CACNA2D1: variants seen among roughly 807,000 people sequenced by gnomAD.
CACNA2D1 encodes voltage-dependent calcium channel subunit alpha-2/delta-1.
A neutral mutation model predicts 171.5 loss-of-function variants in CACNA2D1; 53 were observed. The ratio of observed to expected loss-of-function variants is 0.31; its 90% confidence interval spans 0.25 to 0.39. The LOEUF (loss-of-function observed/expected upper bound fraction) is 0.39. CACNA2D1 is among the 10% of genes least tolerant of loss of function. CACNA2D1 has a pLI of 1.00. For missense variants in CACNA2D1, 903 were observed against 1,299.8 expected (o/e 0.69, Z 4.69); for synonymous variants, 442 against 443.1 (o/e 1.00, Z 0.03).
intron 4 of CACNA2D1, among the ~76,000 whole-genome samples, chr7:82,164,805 G>A (rs73387954): frequency 0.1 from 14,627 of 141,066 alleles, 1,060 homozygotes; most frequent in African/African-American, 0.21. Flanking sequence ...AATTTGTAAT[G>A]CTTATGTATT....
chr7:82,299,791 C>G (rs887199891), intron 3 of CACNA2D1, among the ~76,000 whole-genome samples: 72 of 152,028 alleles, frequency 4.7e-4, no homozygotes, highest in African/African-American at 1.7e-3. Flanking sequence ...ATTTCTACAG[C>G]CCTAAATTAA....
At chr7:82,327,077 GA>G (rs1816747430) in intron 3 of CACNA2D1, among the ~76,000 whole-genome samples, 1 of 152,182 alleles carries the variant, frequency 6.6e-6, no homozygotes, top group South Asian at 2.1e-4. Flanking sequence ...AATGCCAACA[GA>G]AAACAATATT....
rs1807341841 is a variant in CACNA2D1 at position 82,064,369 on chromosome 7, G to A, written c.729-15C>T. On this transcript the variant is annotated splice_polypyrimidine_tract_variant and intron_variant, in intron 8 of 38. Transcript: ENST00000356860. The stretch of plus-strand genomic sequence containing the variant: ...CTTGGATGTACCTGAAACAAATATT[G>A]TAATAAATGCTTTTCTCTTCCAAAA... 2 of 1,578,194 alleles carry A rather than the reference G, an allele frequency of 1.3e-6. No individual in the cohort carries two copies. The highest frequency in any genetic ancestry group is 1.7e-5 in the Admixed American group (1 of 59,720).
At chr7:82,194,644 C>T (rs2040922) in intron 3 of CACNA2D1, among the ~76,000 whole-genome samples, 101,376 of 151,594 alleles carry the variant, frequency 0.67, 37,049 homozygotes, top group Non-Finnish European at 0.82. Context: ...ATATATATTA[C>T]GATATATTTT....
At chr7:82,060,170 A>ATATATAATATG (rs1806517406) in intron 10 of CACNA2D1, among the ~76,000 whole-genome samples, 1 of 31,442 alleles carries the variant, frequency 3.2e-5, no homozygotes, top group African/African-American at 9.8e-5. Context: ...TATATAATAT[A>ATATATAATATG]TATATATAAT....
intron 3 of CACNA2D1, among the ~76,000 whole-genome samples, chr7:82,191,725 T>G (rs1730786509): frequency 6.6e-6 from 1 of 151,844 alleles, no homozygotes; most frequent in African/African-American, 2.4e-5. Flanking sequence ...CGTGTGTATG[T>G]GTTCATATAA....
intron 3 of CACNA2D1, among the ~76,000 whole-genome samples, chr7:82,191,690 T>A (rs1215803375): frequency 1.3e-5 from 2 of 151,840 alleles, no homozygotes; most frequent in African/African-American, 4.8e-5. Flanking sequence ...ATAAATAATT[T>A]CCTTCCTCTC....
chr7:82,223,604 GT>G (rs927507940), intron 3 of CACNA2D1, among the ~76,000 whole-genome samples: 2 of 152,182 alleles, frequency 1.3e-5, no homozygotes, highest in African/African-American at 4.8e-5. Context: ...TCAGGCTGTT[GT>G]ATGGATTACA....
At chr7:82,157,129 G>T (rs1019625037) in intron 4 of CACNA2D1, among the ~76,000 whole-genome samples, 4 of 152,070 alleles carry the variant, frequency 2.6e-5, no homozygotes. Flanking sequence ...TGCTTTTGTA[G>T]CTAGACCTTG....
chr7:81,969,751 T>C, intron 28 of CACNA2D1, 130 bp downstream of exon 28: 1 of 661,838 alleles, frequency 1.5e-6, no homozygotes, highest in Admixed American at 2.4e-5. Context: ...GCCTTGCAAA[T>C]ACTCTATTTT....
At chr7:82,217,394 CATATATATATATATATATATATATATATA>C (rs1387398273) in intron 3 of CACNA2D1, among the ~76,000 whole-genome samples, 1 of 102,546 alleles carries the variant, frequency 9.8e-6, no homozygotes, top group African/African-American at 5.5e-5. Context: ...CACACACATA[CATATATATATATATATATATATATATATA>C]TATCAGGAAA....
chr7:82,200,991 T>C (rs1799368392), intron 3 of CACNA2D1, among the ~76,000 whole-genome samples: 1 of 152,144 alleles, frequency 6.6e-6, no homozygotes, highest in South Asian at 2.1e-4. Flanking sequence ...TAAAACAGAG[T>C]TTTAAAATAA....
At chr7:82,080,635 C>T (rs150781458) in intron 7 of CACNA2D1, among the ~76,000 whole-genome samples, 56 of 152,272 alleles carry the variant, frequency 3.7e-4, no homozygotes, top group Non-Finnish European at 6.8e-4. Context: ...TTATTCATTG[C>T]TTATTTGAAA....
At chr7:82,345,208 G>T (rs1261011334) in intron 2 of CACNA2D1, among the ~76,000 whole-genome samples, 1 of 152,092 alleles carries the variant, frequency 6.6e-6, no homozygotes, top group African/African-American at 2.4e-5. Context: ...TCTTCACTCA[G>T]AACGCTTATG....
intron 5 of CACNA2D1, among the ~76,000 whole-genome samples, chr7:82,133,164 C>T (rs1461726953): frequency 6.6e-6 from 1 of 152,020 alleles, no homozygotes; most frequent in Non-Finnish European, 1.5e-5. Context: ...TTAAACATGG[C>T]CAAATGCAAT....
intron 3 of CACNA2D1, among the ~76,000 whole-genome samples, chr7:82,267,003 T>C (rs909280846): frequency 6.6e-6 from 1 of 152,206 alleles, no homozygotes; most frequent in Admixed American, 6.5e-5. Flanking sequence ...TTGGACTCTA[T>C]GCAAAAGTCT....
intron 1 of CACNA2D1, among the ~76,000 whole-genome samples, chr7:82,406,183 T>A (rs1015121267): frequency 1.3e-5 from 2 of 152,184 alleles, no homozygotes; most frequent in Admixed American, 1.3e-4. Flanking sequence ...AATGATGGTT[T>A]CCAGCTTCAT....
chr7:82,205,059 G>C (rs1342883912), intron 3 of CACNA2D1, among the ~76,000 whole-genome samples: 3 of 152,104 alleles, frequency 2.0e-5, no homozygotes, highest in Admixed American at 2.0e-4. Context: ...TGCCCAGGTC[G>C]GCTTGCACCC....
chr7:81,952,731 TTACACTTTGTTCCTA>T (rs1240020612), intron 38 of CACNA2D1, among the ~76,000 whole-genome samples: 1 of 152,102 alleles, frequency 6.6e-6, no homozygotes, highest in Non-Finnish European at 1.5e-5. Flanking sequence ...TCTTCTTCCT[TTACACTTTGTTCCTA>T]GATGATCTAA....
Sources: allele counts gnomAD v4.1 joint callset (sites outside exome capture counted in the v4.1 genomes callset), GRCh38; gene constraint gnomAD v4.1.1; transcripts MANE v1.5; gene names NCBI Gene and HGNC (gene_info 2026-07-23, HGNC 2026-07-21).